Variants in USF3 observed in about 807,000 individuals in gnomAD.
USF3 encodes upstream transcription factor family member 3.
In USF3, 29 loss-of-function variants were observed where a neutral mutation model predicts 157.5. The ratio of observed to expected loss-of-function variants is 0.18; its 90% CI spans 0.14 to 0.25. The LOEUF is 0.25. USF3 is among the 10% of genes least tolerant of loss of function. The probability of loss-of-function intolerance (pLI) is 1.00; values close to 1 mark genes in which losing one functional copy is unlikely to be tolerated. For synonymous variants in USF3, 893 were observed against 941.4 expected (o/e 0.95, Z 0.94); for missense variants, 2,381 against 2,667.6 (o/e 0.89, Z 2.37).
At chr3:113,666,876 C>T (rs1056129127) in intron 5 of USF3, among the ~76,000 whole-genome samples, 1 of 152,272 alleles carries the variant, frequency 6.6e-6, no homozygotes, top group Non-Finnish European at 1.5e-5. Flanking sequence ...GTGTGAGCCA[C>T]TGTGCCCGGA....
At chr3:113,672,181 A>C (rs1577042044) in intron 4 of USF3, among the ~76,000 whole-genome samples, 1 of 139,326 alleles carries the variant, frequency 7.2e-6, no homozygotes, top group African/African-American at 2.7e-5. Flanking sequence ...TCACTCTGTC[A>C]CCCCAGCTGG....
intron 1 of USF3, among the ~76,000 whole-genome samples, chr3:113,686,056 AG>A (rs1707538862): frequency 6.6e-6 from 1 of 152,196 alleles, no homozygotes; most frequent in African/African-American, 2.4e-5. Flanking sequence ...AGCCCAGTGC[AG>A]CACTAGGACT....
chr3:113,690,575 C>G (rs901923570), intron 1 of USF3, among the ~76,000 whole-genome samples: 1 of 152,162 alleles, frequency 6.6e-6, no homozygotes, highest in African/African-American at 2.4e-5. Flanking sequence ...ATCTACCCTT[C>G]CCTCCTCTTC....
In USF3 at chr3:113,650,097, C is replaced by T. The variant is rs1947235309; in HGVS notation, c.*4847G>A. 3.9e-6 allele frequency: 2 copies of T among 517,182 alleles called. No homozygotes were observed. The highest frequency in any genetic ancestry group is 6.8e-6 in the Non-Finnish European group (2 of 292,478). The allele number at this position is 517,182 out of a possible 1,614,324, so 32.0% of individuals were successfully genotyped here. ...GATGTACACAGCCACAGGCGCACTA[C>T]CTCCAGGCAAAGGTAGCATTTATAT... On this transcript the variant is annotated 3_prime_UTR_variant, in exon 7 of 7. Coordinates refer to ENST00000316407, the MANE Select transcript of USF3 (RefSeq NM_001009899.4).
In USF3 at chr3:113,657,263, T is replaced by C. The variant is rs879222447; in HGVS notation, c.4419A>G (p.Gln1473=). 1.9e-6 allele frequency: 3 copies of C among 1,582,170 alleles called. No homozygotes were observed. The highest frequency in any genetic ancestry group is 2.2e-5 in the South Asian group (2 of 89,464). ...ACTGCCCTGCTTGTTGTTGTTGCTG[T>C]TGCTGCTGCTGCTGCTGCTGCTGCT... ...QQQQQQQQQQ[Q]QQQQQAGQLR... The change falls in exon 7 of 7, where the codon CAA becomes CAG. Residue 1473 remains glutamine (Q), a synonymous_variant. Coordinates refer to ENST00000316407, the MANE Select transcript of USF3 (RefSeq NM_001009899.4).
At position 113,648,804 on chromosome 3, in the gene USF3, C is replaced by A. The variant is rs1947209446; in HGVS notation, c.*6140G>T. The stretch of plus-strand genomic sequence containing the variant: ...GGTGACTGCCCTACAGTAAGCTTCT[C>A]ACCCAGTGTATCTATAAATAATTTG... On this transcript the variant is annotated 3_prime_UTR_variant, in exon 7 of 7. Transcript: ENST00000316407. The A allele has an allele frequency of 1.3e-5, 2 of 152,408 alleles. No individual in the cohort carries two copies. Among genetic ancestry groups the A allele is most frequent in the Admixed American group, 1.3e-4 (2 of 15,270 alleles). 9.4% of individuals were successfully genotyped at this position (152,408 alleles called of 1,614,324 possible).
chr3:113,656,746 T>C lies in USF3; in HGVS notation c.4936A>G (p.Ile1646Val), dbSNP rs1276887674. The change falls in exon 7 of 7, where the codon ATT becomes GTT. Residue 1646 changes from isoleucine to valine, a missense_variant. Around this residue, in one of 6 missense-constraint regions of USF3, gnomAD observed 770 missense variants for 824.2 expected, o/e 0.93. Coordinates refer to ENST00000316407, the MANE Select transcript of USF3 (RefSeq NM_001009899.4). ...LEQQMVSQPS[I>V]VTRSSDMTCT... ...GTCATGTCTGAAGATCTAGTCACAA[T>C]ACTTGGTTGGGACACCATTTGCTGC... The C allele has an allele frequency of 5.0e-6, 8 of 1,614,106 alleles. No homozygotes were observed. Among genetic ancestry groups the C allele is most frequent in the Non-Finnish European group, 6.8e-6 (8 of 1,180,054 alleles).
At chr3:113,678,692 A>C (rs752172744) in intron 1 of USF3, among the ~76,000 whole-genome samples, 7 of 152,250 alleles carry the variant, frequency 4.6e-5, no homozygotes, top group Non-Finnish European at 8.8e-5. Flanking sequence ...TAATATTTAC[A>C]TAACTACAAA....
chr3:113,674,230 C>T (rs1460989237), intron 3 of USF3, among the ~76,000 whole-genome samples: 1 of 152,156 alleles, frequency 6.6e-6, no homozygotes, highest in Non-Finnish European at 1.5e-5. Context: ...AAAATTAATA[C>T]TATAGGCAAG....
Position 113,659,549 on chromosome 3 carries a change from C to CT in USF3, c.2132_2133insA (p.Ala712GlyfsTer21). 6.2e-7 allele frequency: 1 copy of CT among 1,614,108 alleles called. No individual in the cohort carries two copies. Among genetic ancestry groups the CT allele is most frequent in the Non-Finnish European group, 8.5e-7 (1 of 1,180,010 alleles). ...GTGATATGCTTTGATTGAGGCTGGC[C>CT]AAAGCACCAAATGTATTCAGGGCAA... On this transcript the variant is annotated frameshift_variant, in exon 7 of 7. Coordinates refer to ENST00000316407, the MANE Select transcript of USF3 (RefSeq NM_001009899.4). LOFTEE classifies it high-confidence loss of function.
chr3:113,670,835 C>T (rs1349867054), intron 4 of USF3, among the ~76,000 whole-genome samples: 1 of 152,060 alleles, frequency 6.6e-6, no homozygotes, highest in African/African-American at 2.4e-5. Flanking sequence ...CAATCTCCTG[C>T]CCTCAGCCCC....
rs1176542557 is a variant in USF3, at chr3:113,658,811, C to T, written c.2871G>A (p.Gln957=). The T allele has an allele frequency of 1.2e-6, 2 of 1,613,992 alleles. No individual in the cohort carries two copies. Among genetic ancestry groups the T allele is most frequent in the Non-Finnish European group, 1.7e-6 (2 of 1,180,038 alleles). The part of the protein sequence containing the change: ...SPSDPHILVS[Q]VPGLSSTTST... The stretch of plus-strand genomic sequence containing the variant: ...TTGTTGTAGATGACAAACCAGGAAC[C>T]TGAGAAACCAAAATGTGAGGATCAC... The change falls in exon 7 of 7, where the codon CAG becomes CAA. Residue 957 remains glutamine (Q), a synonymous_variant. Coordinates refer to ENST00000316407, the MANE Select transcript of USF3 (RefSeq NM_001009899.4).
chr3:113,682,908 T>C lies in USF3; in HGVS notation c.-134-5511A>G, dbSNP rs940636703. On this transcript the variant is annotated intron_variant, in intron 1 of 6. Coordinates refer to ENST00000316407, the MANE Select transcript of USF3 (RefSeq NM_001009899.4). The stretch of plus-strand genomic sequence containing the variant: ...ATCGCTGGGCTTTTTTTTTTTTTTT[T>C]CCTTTTTAATCCATTCAGCCACTCT... 2.9e-3 allele frequency among the ~76,000 whole-genome samples: 443 copies of C among 150,858 alleles called. 4 individuals are homozygous for C. In the East Asian group the frequency reaches 0.031, roughly 11 times the overall value.
chr3:113,663,463 G>A (rs1471081181), intron 6 of USF3, among the ~76,000 whole-genome samples: 1 of 152,222 alleles, frequency 6.6e-6, no homozygotes, highest in Non-Finnish European at 1.5e-5. Flanking sequence ...GTGAGGGGGG[G>A]AAGCTGCTAA....
chr3:113,648,857 T>C lies in USF3; in HGVS notation c.*6087A>G, dbSNP rs1225622418. 4.6e-5 allele frequency: 7 copies of C among 152,404 alleles called. No individual in the cohort carries two copies. The highest frequency in any genetic ancestry group is 1.4e-4 in the African/African-American group (6 of 41,398). 9.4% of individuals were successfully genotyped at this position (152,404 alleles called of 1,614,324 possible). A position where few individuals can be genotyped will look rare whatever the true frequency, so the allele number is the denominator to read the frequency against. On this transcript the variant is annotated 3_prime_UTR_variant, in exon 7 of 7. Transcript: ENST00000316407. The stretch of plus-strand genomic sequence containing the variant: ...AAGGTAATTATGTTCTCCTCAGATT[T>C]TTCAACTTTTTTTTACCAAAGTGAA...
In USF3 at chr3:113,655,655, T is replaced by G; in HGVS notation, c.6027A>C (p.Pro2009=). ...GNQRQSTVFD[P]SLPHLPLSTG... is the part of the protein sequence containing the mutation. ...TAGAGAGAGGAAGATGGGGAAGACT[T>G]GGATCAAAGACAGTACTTTGCCTTT... The change falls in exon 7 of 7, where the codon CCA becomes CCC. Residue 2009 remains proline (P), a synonymous_variant. Coordinates refer to ENST00000316407, the MANE Select transcript of USF3 (RefSeq NM_001009899.4). 6.2e-7 allele frequency: 1 copy of G among 1,613,934 alleles called. No homozygotes were observed. The highest frequency in any genetic ancestry group is 8.5e-7 in the Non-Finnish European group (1 of 1,179,778).
In USF3 at chr3:113,657,504, G is replaced by C; in HGVS notation, c.4178C>G (p.Ala1393Gly). 1 of 1,614,152 alleles carries C rather than the reference G, an allele frequency of 6.2e-7. No homozygotes were observed. ...TAATCGTGTAAGGCCATCTCCATGA[G>C]CTGGGTTGCTAACAGGCACAACTGA... ...SNSVVPVSNP[A>G]HGDGLTRLFP... is the part of the protein sequence containing the mutation. Residue 1393 changes from alanine (A) to glycine (G), a missense_variant, in exon 7 of 7, where the codon GCT becomes GGT. Coordinates refer to ENST00000316407, the MANE Select transcript of USF3 (RefSeq NM_001009899.4).
chr3:113,660,413 G>T lies in USF3; in HGVS notation c.1269C>A (p.Ile423=), dbSNP rs1245957846. The change falls in exon 7 of 7, where the codon ATC becomes ATA. Residue 423 remains isoleucine, a synonymous_variant. Coordinates refer to ENST00000316407, the MANE Select transcript of USF3 (RefSeq NM_001009899.4). ...TTGTCTGTGTGTTTCCAGCTGAAGA[G>T]ATTCGTGTAAGGCTATTAATGTTTT... The part of the protein sequence containing the change: ...DLKNINSLTR[I]SSAGNTQTTW... 1.2e-6 allele frequency: 2 copies of T among 1,614,068 alleles called. No individual in the cohort carries two copies. The highest frequency in any genetic ancestry group is 1.7e-6 in the Non-Finnish European group (2 of 1,180,018).
intron 6 of USF3, among the ~76,000 whole-genome samples, chr3:113,663,804 T>C (rs1228965908): frequency 6.6e-6 from 1 of 152,232 alleles, no homozygotes; most frequent in Admixed American, 6.5e-5. Flanking sequence ...CATTAAAAAG[T>C]CACCTTTATC....
Sources: gnomAD v4.1 joint callset for allele counts (sites outside exome capture counted in the v4.1 genomes callset) on GRCh38, gnomAD v4.1.1 for gene constraint, gnomAD v4.1.1 regional missense constraint, MANE v1.5 for transcripts, NCBI Gene and HGNC (gene_info 2026-07-23, HGNC 2026-07-21) for gene names.